LRP5: variants seen among roughly 807,000 people sequenced by gnomAD.
The protein encoded by LRP5 is low-density lipoprotein receptor-related protein 5.
A neutral mutation model predicts 154.1 loss-of-function variants in LRP5; 62 were observed. That is an observed-to-expected ratio of 0.40 (90% CI 0.33 to 0.50). The LOEUF (loss-of-function observed/expected upper bound fraction) is 0.50. Among genes scored for constraint, LRP5 ranks in the 20% least tolerant of loss-of-function variants. The probability of loss-of-function intolerance (pLI) is 0.55; values close to 1 mark genes in which losing one functional copy is unlikely to be tolerated. For synonymous variants in LRP5, 966 were observed against 1,011.5 expected (o/e 0.96, Z 0.85); for missense variants, 1,915 against 2,336.7 (o/e 0.82, Z 3.72).
chr11:68,312,884 C>T, intron 1 of LRP5, 79 bp downstream of exon 1: 2 of 787,046 alleles, frequency 2.5e-6, no homozygotes, highest in Non-Finnish European at 3.1e-6. Flanking sequence ...AGTGCGCGGG[C>T]GCCGCCGCCG....
intron 22 of LRP5, 126 bp downstream of exon 22, chr11:68,446,659 G>C: frequency 1.2e-6 from 1 of 837,668 alleles, no homozygotes; most frequent in Non-Finnish European, 2.0e-6. Context: ...GCCGGGCCCA[G>C]CCCTGCCTCC....
At chr11:68,357,499 A>G in intron 2 of LRP5, 151 bp from the exon 3 acceptor site, 1 of 757,094 alleles carries the variant, frequency 1.3e-6, no homozygotes, top group Admixed American at 2.0e-5. Flanking sequence ...AGCTTAAGGC[A>G]GGAATACCTG....
intron 1 of LRP5, among the ~76,000 whole-genome samples, chr11:68,313,380 C>T (rs1022072075): frequency 3.7e-4 from 56 of 152,262 alleles, no homozygotes; most frequent in Admixed American, 1.2e-3. Context: ...CCGGGCGACC[C>T]GAATGCCCCG....
At chr11:68,356,160 T>TA (rs2098623054) in intron 2 of LRP5, among the ~76,000 whole-genome samples, 2 of 148,638 alleles carry the variant, frequency 1.3e-5, no homozygotes, top group Non-Finnish European at 3.0e-5. Context: ...TTTTTTTTTT[T>TA]AGGCAGGGTC....
intron 1 of LRP5, among the ~76,000 whole-genome samples, chr11:68,347,586 G>C (rs1020475851): frequency 6.6e-6 from 1 of 152,224 alleles, no homozygotes; most frequent in Non-Finnish European, 1.5e-5. Flanking sequence ...GGGAACAGAC[G>C]TAACAGTTGG....
At position 68,331,766 on chromosome 11, in the gene LRP5, TG is replaced by T. The variant is rs2098602930; in HGVS notation, c.92-16080del. Among the ~76,000 whole-genome samples, 3 of 147,498 alleles carry T rather than the reference TG, an allele frequency of 2.0e-5. No individual in the cohort carries two copies. The South Asian group carries it at 6.2e-4, about 31-fold the overall frequency. ...GGCTGTGTGTGTGTGTGTGTGTGTG[TG>T]TGTGTGTTTGAGTGTGCAAGTGTGT... On this transcript the variant is annotated intron_variant, in intron 1 of 22. Transcript: ENST00000294304.
intron 3 of LRP5, among the ~76,000 whole-genome samples, chr11:68,362,391 G>A (rs546299463): frequency 2.0e-5 from 3 of 152,266 alleles, no homozygotes; most frequent in African/African-American, 7.2e-5. Context: ...ACTTTAAAGT[G>A]GTAAATTTAG....
At chr11:68,301,185 G>C in the LRP5 span, among the ~76,000 whole-genome samples, 1 of 149,364 alleles carries the variant, frequency 6.7e-6, no homozygotes, top group Non-Finnish European at 1.5e-5. Context: ...GCCTACCTTG[G>C]CCTCCCAAAA....
intron 1 of LRP5, among the ~76,000 whole-genome samples, chr11:68,325,209 G>A (rs1331846856): frequency 6.6e-6 from 1 of 152,206 alleles, no homozygotes; most frequent in Non-Finnish European, 1.5e-5. Context: ...GGGTCCAATG[G>A]TATGATGTGT....
chr11:68,360,841 C>T (rs1209228965), intron 3 of LRP5, among the ~76,000 whole-genome samples: 5 of 150,142 alleles, frequency 3.3e-5, no homozygotes, highest in Non-Finnish European at 4.4e-5. Flanking sequence ...ACTAAAAATA[C>T]AAAACATTAG....
intron 5 of LRP5, among the ~76,000 whole-genome samples, chr11:68,377,727 C>G (rs1227599444): frequency 6.6e-6 from 1 of 152,238 alleles, no homozygotes; most frequent in Non-Finnish European, 1.5e-5. Flanking sequence ...GTGCCCCAGG[C>G]CCAGGAGGTG....
chr11:68,438,806 G>C (rs375661919), intron 20 of LRP5, 124 bp downstream of exon 20: 4 of 810,816 alleles, frequency 4.9e-6, no homozygotes, highest in Non-Finnish European at 7.8e-6. Flanking sequence ...ATTGCTAATC[G>C]ATCACAGCAT....
chr11:68,336,531 C>T (rs2098605802), intron 1 of LRP5, among the ~76,000 whole-genome samples: 1 of 152,120 alleles, frequency 6.6e-6, no homozygotes, highest in Non-Finnish European at 1.5e-5. Flanking sequence ...TGCAATGGTA[C>T]AATCTCAGCT....
intron 1 of LRP5, among the ~76,000 whole-genome samples, chr11:68,338,399 A>C (rs2098606888): frequency 6.6e-6 from 1 of 152,186 alleles, no homozygotes; most frequent in African/African-American, 2.4e-5. Context: ...TAAATATTGG[A>C]TATGCTTACA....
At chr11:68,299,770 A>C in the LRP5 span, among the ~76,000 whole-genome samples, 1 of 147,874 alleles carries the variant, frequency 6.8e-6, no homozygotes, top group Non-Finnish European at 1.5e-5. Context: ...TTTAGTGGAG[A>C]TGGGGTTTCA....
At chr11:68,350,398 A>G (rs1565337135) in intron 2 of LRP5, among the ~76,000 whole-genome samples, 2 of 152,252 alleles carry the variant, frequency 1.3e-5, no homozygotes, top group Non-Finnish European at 2.9e-5. Flanking sequence ...CAGGCCTGCC[A>G]CAGGAGCCCG....
chr11:68,375,759 C>A (rs950432699), intron 5 of LRP5, among the ~76,000 whole-genome samples: 1 of 152,206 alleles, frequency 6.6e-6, no homozygotes, highest in Admixed American at 6.5e-5. Context: ...TCAAGAGAAG[C>A]CCCCCGTCTC....
In LRP5 at chr11:68,416,334, C is replaced by T. The variant is rs2098662529; in HGVS notation, c.2834C>T (p.Thr945Ile). 2 of 1,614,080 alleles carry T rather than the reference C, an allele frequency of 1.2e-6. No homozygotes were observed. The highest frequency in any genetic ancestry group is 1.1e-5 in the South Asian group (1 of 91,082). The change falls in exon 13 of 23, where the codon ACC (threonine) becomes ATC (isoleucine). Residue 945 changes from threonine (T) to isoleucine (I), a missense_variant. By Grantham distance (89) the Thr-to-Ile change is moderately conservative. Around this residue, in one of 3 missense-constraint regions of LRP5, gnomAD observed 1,094 missense variants for 1,210.1 expected, o/e 0.90. Coordinates refer to ENST00000294304, the MANE Select transcript of LRP5 (RefSeq NM_002335.4). Reference sequence around the variant, plus strand: ...CTGTCTTTGCCTCCTCTAGCGCCCACCACCTTCTTGCTGTTCAGCCAGAAA... The same window carrying T: ...CTGTCTTTGCCTCCTCTAGCGCCCATCACCTTCTTGCTGTTCAGCCAGAAA... Reference protein sequence around the residue: ...DPSSRNCSPPTTFLLFSQKSA... With the variant: ...DPSSRNCSPPITFLLFSQKSA...
intron 21 of LRP5, among the ~76,000 whole-genome samples, chr11:68,445,934 CCT>C (rs2153184860): frequency 6.6e-6 from 1 of 152,308 alleles, no homozygotes; most frequent in South Asian, 2.1e-4. Context: ...ACGCAGAGCC[CCT>C]GAGTGTTCGG....
Sources: gnomAD v4.1 joint callset for allele counts (sites outside exome capture counted in the v4.1 genomes callset) on GRCh38, gnomAD v4.1.1 for gene constraint, gnomAD v4.1.1 regional missense constraint, MANE v1.5 for transcripts, NCBI Gene and HGNC (gene_info 2026-07-23, HGNC 2026-07-21) for gene names.